Variants in ABCC11 observed in about 807,000 individuals in gnomAD.
The protein encoded by ABCC11 is ATP binding cassette subfamily C member 11, also known as ATP-binding cassette sub-family C member 11.
ABCC11 carries 135 observed loss-of-function variants against 149.3 expected under a neutral mutation model. That is an observed-to-expected ratio of 0.90 (90% CI 0.79 to 1.04). The LOEUF is 1.04. Ranked by LOEUF, ABCC11 falls within the 50% of genes least tolerant of loss-of-function variation. The pLI is 0.00. For synonymous variants in ABCC11, 665 were observed against 671.4 expected (o/e 0.99, Z 0.15); for missense variants, 1,680 against 1,722.1 (o/e 0.98, Z 0.43).
chr16:48,203,656 T>C (rs1968191724), intron 13 of ABCC11, among the ~76,000 whole-genome samples: 1 of 152,062 alleles, frequency 6.6e-6, no homozygotes, highest in African/African-American at 2.4e-5. Flanking sequence ...TCACCTGAGG[T>C]CAGGAGTTCG....
At chr16:48,169,175 G>A (rs1392853759) in intron 28 of ABCC11, among the ~76,000 whole-genome samples, 1 of 152,160 alleles carries the variant, frequency 6.6e-6, no homozygotes, top group African/African-American at 2.4e-5. Context: ...TATACAGTAG[G>A]CAATTTAAAA....
intron 28 of ABCC11, among the ~76,000 whole-genome samples, chr16:48,168,762 T>A (rs1965501114): frequency 6.6e-6 from 1 of 152,196 alleles, no homozygotes; most frequent in African/African-American, 2.4e-5. Flanking sequence ...AAGCTGGAAG[T>A]CATCATTCTC....
At position 48,203,216 on chromosome 16, in the gene ABCC11, C is replaced by T; in HGVS notation, c.1878+12G>A. 2 of 1,563,576 alleles carry T rather than the reference C, an allele frequency of 1.3e-6. No homozygotes were observed. Among genetic ancestry groups the T allele is most frequent in the African/African-American group, 2.7e-5 (2 of 74,044 alleles). On this transcript the variant is annotated intron_variant, in intron 14 of 29. Coordinates refer to ENST00000356608, the MANE Select transcript of ABCC11 (RefSeq NM_001370497.1). ...ACATTACACAGAGAAGGCAGGCTCG[C>T]CTCCCTCTCACCTCTGTCATGTCTC...
Position 48,187,204 on chromosome 16 carries a change from T to A in ABCC11, c.2930A>T (p.Tyr977Phe). ...AIIMVICFIY[Y>F]MMFKKAIGVF... is the part of the protein sequence containing the mutation. ...CAAGCAAAAAGAACCTACTCACATA[T>A]AATAAATGAAGCAAATAACCATGAT... The change falls in exon 21 of 30, where the codon TAT becomes TTT. Residue 977 changes from tyrosine (Y) to phenylalanine (F), a missense_variant. By Grantham distance (22) the Tyr-to-Phe change is conservative (BLOSUM62 3). Coordinates refer to ENST00000356608, the MANE Select transcript of ABCC11 (RefSeq NM_001370497.1). 1.2e-6 allele frequency: 2 copies of A among 1,613,964 alleles called. No homozygotes were observed. Among genetic ancestry groups the A allele is most frequent in the Non-Finnish European group, 1.7e-6 (2 of 1,179,978 alleles).
chr16:48,231,291 A>C (rs1970400348), intron 2 of ABCC11, among the ~76,000 whole-genome samples: 1 of 152,184 alleles, frequency 6.6e-6, no homozygotes, highest in African/African-American at 2.4e-5. Context: ...TTATGCATAG[A>C]GATATGCATA....
In ABCC11 at chr16:48,184,582, A is replaced by G; in HGVS notation, c.3116T>C (p.Phe1039Ser). Residue 1039 changes from phenylalanine to serine, a missense_variant, in exon 23 of 30, where the codon TTT becomes TCT. Coordinates refer to ENST00000356608, the MANE Select transcript of ABCC11 (RefSeq NM_001370497.1). ...TGCCATCCATCGTGTGGAAGATAGA[A>G]ACAACAGCAGGTAGTTATTCTGCGC... ...TDAQNNYLLL[F>S]LSSTRWMALR... The G allele has an allele frequency of 6.2e-7, 1 of 1,614,238 alleles. No homozygotes were observed.
Position 48,167,573 on chromosome 16 carries a change from A to G in ABCC11, c.3979T>C (p.Cys1327Arg), listed in dbSNP as rs759308100. ...QRTIREAFQG[C>R]TVLVIAHRVT... ...CGGTGGGCAATGACGAGCACGGTGC[A>G]GCCCTGGAAGGCTTCACGGATTGTG... Residue 1327 changes from cysteine (C) to arginine (R), a missense_variant, in exon 29 of 30, where the codon TGC becomes CGC. By Grantham distance (180) the Cys-to-Arg change is radical. Coordinates refer to ENST00000356608, the MANE Select transcript of ABCC11 (RefSeq NM_001370497.1). 1.9e-6 allele frequency: 3 copies of G among 1,614,202 alleles called. No homozygotes were observed. Among genetic ancestry groups the G allele is most frequent in the Non-Finnish European group, 1.7e-6 (2 of 1,180,042 alleles).
At chr16:48,219,269 A>T (rs1969569855) in intron 6 of ABCC11, among the ~76,000 whole-genome samples, 2 of 150,962 alleles carry the variant, frequency 1.3e-5, no homozygotes. Context: ...TTCTGGGCTC[A>T]AGCCATCTTC....
intron 12 of ABCC11, among the ~76,000 whole-genome samples, chr16:48,208,193 G>A (rs1011135575): frequency 2.0e-5 from 3 of 152,178 alleles, no homozygotes; most frequent in Non-Finnish European, 4.4e-5. Flanking sequence ...GTCTCCAGGT[G>A]ACATAAGAGG....
intron 1 of ABCC11, chr16:48,235,183 A>G (rs895363241): frequency 6.6e-6 from 1 of 152,058 alleles, no homozygotes; most frequent in African/African-American, 2.4e-5. Context: ...TACACCTGCA[A>G]AGAGAGGTAA....
At chr16:48,180,489 A>G (rs1596678660) in intron 23 of ABCC11, among the ~76,000 whole-genome samples, 1 of 152,258 alleles carries the variant, frequency 6.6e-6, no homozygotes, top group East Asian at 1.9e-4. Flanking sequence ...CCTTCTGGTT[A>G]CATGAGAGAA....
rs986055160 is a variant in ABCC11, at chr16:48,166,366, G to T, written c.*908C>A. ...CAGGCAACCATATTGCCACCATGAG[G>T]CAAGAGGAAGTTAGAAAGTGAAGCC... is the stretch of plus-strand genomic sequence containing the variant. On this transcript the variant is annotated 3_prime_UTR_variant, in exon 30 of 30. Transcript: ENST00000356608. Among the ~76,000 whole-genome samples, 1 of 152,198 alleles carries T rather than the reference G, an allele frequency of 6.6e-6. No homozygotes were observed. The highest frequency in any genetic ancestry group is 2.1e-4 in the South Asian group (1 of 4,830).
rs1567476954 is a variant in ABCC11, at chr16:48,175,298, C to T, written c.3658G>A (p.Val1220Met). The change falls in exon 26 of 30, where the codon GTG becomes ATG. Residue 1220 changes from valine to methionine, a missense_variant. By Grantham distance (21) the Val-to-Met change is conservative. Coordinates refer to ENST00000356608, the MANE Select transcript of ABCC11 (RefSeq NM_001370497.1). ...GLEDLRSKLS[V>M]IPQDPVLLSG... ...AGCAGCACTGGATCTTGAGGGATCA[C>T]TGAGAGCTTGGACCGCAAGTCCTCC... The T allele has an allele frequency of 1.2e-6, 2 of 1,614,086 alleles. No individual in the cohort carries two copies. The highest frequency in any genetic ancestry group is 1.7e-6 in the Non-Finnish European group (2 of 1,179,936).
intron 9 of ABCC11, 130 bp downstream of exon 9, chr16:48,214,751 G>T: frequency 1.5e-6 from 2 of 1,298,012 alleles, no homozygotes; most frequent in Non-Finnish European, 2.1e-6. Flanking sequence ...ACTTTTGTCT[G>T]GAAAATCAAA....
In ABCC11 at chr16:48,211,156, A is replaced by C. The variant is rs754976644; in HGVS notation, c.1400T>G (p.Leu467Ter). The stretch of plus-strand genomic sequence containing the variant: ...GACCAGAGCTTTGCTGGGGTCTTGT[A>C]ATGTCTGGACATAGAAAACAGGGCT... ...QESPVFYVQT[L>*]QDPSKALVFE... Residue 467 changes from leucine to a stop codon, truncating the protein, a stop_gained, in exon 11 of 30, where the codon TTA becomes TGA. Coordinates refer to ENST00000356608, the MANE Select transcript of ABCC11 (RefSeq NM_001370497.1). LOFTEE classifies it high-confidence loss of function. The C allele has an allele frequency of 1.9e-6, 3 of 1,614,198 alleles. No homozygotes were observed. The highest frequency in any genetic ancestry group is 2.5e-6 in the Non-Finnish European group (3 of 1,180,034).
intron 20 of ABCC11, 27 bp downstream of exon 20, chr16:48,192,492 CG>C: frequency 6.2e-7 from 1 of 1,611,438 alleles, no homozygotes; most frequent in East Asian, 2.2e-5. Context: ...GCTCAGCCTT[CG>C]GCCCCACCCA....
At chr16:48,178,014 A>G (rs1224225656) in intron 24 of ABCC11, among the ~76,000 whole-genome samples, 1 of 152,236 alleles carries the variant, frequency 6.6e-6, no homozygotes, top group Non-Finnish European at 1.5e-5. Flanking sequence ...CCTGGCCCAC[A>G]GAAAGGTCTC....
chr16:48,245,533 T>C (rs890523713), intron 1 of ABCC11, among the ~76,000 whole-genome samples: 1 of 152,184 alleles, frequency 6.6e-6, no homozygotes, highest in Non-Finnish European at 1.5e-5. Context: ...ATTGAGATGA[T>C]AGAATTGCCA....
rs147808866 is a variant in ABCC11 at position 48,167,033 on chromosome 16, G to A, written c.*241C>T. ...TTATTCAGCATGTAAGTTAAAAGGAGAACCACATGATCACTGAATCCCATG... is the reference window on the plus strand; with the variant it reads ...TTATTCAGCATGTAAGTTAAAAGGAAAACCACATGATCACTGAATCCCATG... On this transcript the variant is annotated 3_prime_UTR_variant, in exon 30 of 30. Transcript: ENST00000356608. The A allele has an allele frequency of 1.5e-5, 8 of 520,724 alleles. No individual in the cohort carries two copies. The East Asian group carries it at 2.5e-4, about 17-fold the overall frequency. The allele number at this position is 520,724 out of a possible 1,614,324, so 32.3% of individuals were successfully genotyped here. A position where few individuals can be genotyped will look rare whatever the true frequency, so the allele number is the denominator to read the frequency against.
Sources: allele counts gnomAD v4.1 joint callset (sites outside exome capture counted in the v4.1 genomes callset), GRCh38; gene constraint gnomAD v4.1.1; transcripts MANE v1.5; gene names NCBI Gene and HGNC (gene_info 2026-07-23, HGNC 2026-07-21).